Variants in MARCHF11 observed in about 807,000 individuals in gnomAD.
MARCHF11 encodes membrane associated ring-CH-type finger 11.
MARCHF11 carries 29 observed loss-of-function variants against 37.3 expected under a neutral mutation model. The observed-to-expected ratio is 0.78, with a 90% CI of 0.58 to 1.06. MARCHF11 has a LOEUF of 1.06. Among genes scored for constraint, MARCHF11 ranks in the 50% least tolerant of loss-of-function variants. The probability of loss-of-function intolerance (pLI) is 0.00; values close to 1 mark genes in which losing one functional copy is unlikely to be tolerated. For missense variants in MARCHF11, 482 were observed against 533.4 expected, an observed-to-expected ratio of 0.90 and a Z score of 0.95; for synonymous variants, 233 against 228.0, an observed-to-expected ratio of 1.02 and a Z score of -0.20.
At chr5:16,143,091 G>A (rs1560987703) in intron 2 of MARCHF11, among the ~76,000 whole-genome samples, 1 of 151,826 alleles carries the variant, frequency 6.6e-6, no homozygotes, top group Non-Finnish European at 1.5e-5. Context: ...CTTAAACAGG[G>A]CAGAATACCC....
chr5:16,132,886 A>G (rs1372774457), intron 2 of MARCHF11, among the ~76,000 whole-genome samples: 1 of 152,188 alleles, frequency 6.6e-6, no homozygotes, highest in Admixed American at 6.6e-5. Context: ...AAAACATAAT[A>G]GGCAAATCAA....
At chr5:16,071,731 AT>A (rs992337744) in intron 3 of MARCHF11, among the ~76,000 whole-genome samples, 1 of 151,880 alleles carries the variant, frequency 6.6e-6, no homozygotes, top group Admixed American at 6.5e-5. Context: ...ATACAAACAA[AT>A]TTTATCTGAT....
chr5:16,111,260 G>T (rs1028874126), intron 2 of MARCHF11, among the ~76,000 whole-genome samples: 7 of 152,214 alleles, frequency 4.6e-5, no homozygotes, highest in Non-Finnish European at 7.3e-5. Context: ...GGGCTCAGAA[G>T]AAGACAGGAA....
Position 16,132,497 on chromosome 5 carries a change from C to T in MARCHF11, c.694-41416G>A, listed in dbSNP as rs552277714. ...CAGTCAATGATGGACAGTTTGTACA[C>T]GGACCTCTAGTTGTTGAAAGAATGT... On this transcript the variant is annotated intron_variant, in intron 2 of 3. Coordinates refer to ENST00000332432, the MANE Select transcript of MARCHF11 (RefSeq NM_001102562.3). Among the ~76,000 whole-genome samples the T allele has an allele frequency of 7.2e-5, 11 of 152,254 alleles. No individual in the cohort carries two copies. In the South Asian group the frequency reaches 8.3e-4, roughly 11 times the overall value.
intron 3 of MARCHF11, among the ~76,000 whole-genome samples, chr5:16,089,900 G>C (rs2126556069): frequency 6.6e-6 from 1 of 152,314 alleles, no homozygotes; most frequent in African/African-American, 2.4e-5. Context: ...GAGGGATGAA[G>C]GTGACCTGCC....
intron 2 of MARCHF11, among the ~76,000 whole-genome samples, chr5:16,137,572 A>C (rs1033134476): frequency 6.6e-6 from 1 of 152,226 alleles, no homozygotes; most frequent in African/African-American, 2.4e-5. Flanking sequence ...TGCTATTAAG[A>C]TACCCAAAAA....
At chr5:16,096,168 G>T (rs574176890) in intron 2 of MARCHF11, among the ~76,000 whole-genome samples, 2 of 152,078 alleles carry the variant, frequency 1.3e-5, no homozygotes, top group Non-Finnish European at 2.9e-5. Context: ...AAAACAACAC[G>T]GGCTCAGTCA....
In MARCHF11 at chr5:16,179,512, G is replaced by A. The variant is rs956067999; in HGVS notation, c.64C>T (p.Pro22Ser). ...GGCGGCGGGGGAGGTTGCGGGGGAG[G>A]CTCGGCGTCCCCGCTCTCCGCCCCG... ...CRGAESGDAE[P>S]PPQPPPPPPP... The change falls in exon 1 of 4, where the codon CCT becomes TCT. Residue 22 changes from proline to serine, a missense_variant. By Grantham distance (74) the Pro-to-Ser change is moderately conservative (BLOSUM62 -1). Transcript: ENST00000332432. 2.3e-5 allele frequency: 27 copies of A among 1,171,856 alleles called. No homozygotes were observed. The Admixed American group carries it at 5.6e-4, about 24-fold the overall frequency. 72.6% of individuals were successfully genotyped at this position (1,171,856 alleles called of 1,614,324 possible).
chr5:16,161,820 T>G (rs891387393), intron 2 of MARCHF11, among the ~76,000 whole-genome samples: 1 of 151,980 alleles, frequency 6.6e-6, no homozygotes, highest in African/African-American at 2.4e-5. Context: ...TATATTATCT[T>G]GAAAATTACA....
chr5:16,123,674 G>A lies in MARCHF11; in HGVS notation c.694-32593C>T, dbSNP rs573368051. On this transcript the variant is annotated intron_variant, in intron 2 of 3. Coordinates refer to ENST00000332432, the MANE Select transcript of MARCHF11 (RefSeq NM_001102562.3). Reference sequence around the variant, plus strand: ...TTAAACTGTGTGGGCTCATTTCTATGACAAGCTATAAGGCCAGAAGCCACG... The same window carrying A: ...TTAAACTGTGTGGGCTCATTTCTATAACAAGCTATAAGGCCAGAAGCCACG... 5.3e-5 allele frequency among the ~76,000 whole-genome samples: 8 copies of A among 152,172 alleles called. 1 individual carries two copies. In the East Asian group the frequency reaches 7.7e-4, roughly 15 times the overall value.
chr5:16,173,401 T>A (rs985659445), intron 2 of MARCHF11, among the ~76,000 whole-genome samples: 7 of 152,236 alleles, frequency 4.6e-5, no homozygotes, highest in African/African-American at 1.7e-4. Flanking sequence ...TGAATAGTGC[T>A]GTCCTGTGCT....
chr5:16,089,840 A>C (rs1272093764), intron 3 of MARCHF11, among the ~76,000 whole-genome samples: 1 of 152,188 alleles, frequency 6.6e-6, no homozygotes, highest in Admixed American at 6.5e-5. Flanking sequence ...TTAGACTTGC[A>C]TGGTTGGAAT....
At chr5:16,145,707 G>A (rs1737785358) in intron 2 of MARCHF11, among the ~76,000 whole-genome samples, 1 of 151,522 alleles carries the variant, frequency 6.6e-6, no homozygotes. Context: ...AATAAACAAT[G>A]TCCCTTTTTT....
intron 2 of MARCHF11, among the ~76,000 whole-genome samples, chr5:16,155,714 C>T (rs986495393): frequency 4.0e-5 from 6 of 151,858 alleles, no homozygotes; most frequent in African/African-American, 9.7e-5. Flanking sequence ...TGTTCTTGCC[C>T]GATTTTTGGG....
intron 2 of MARCHF11, among the ~76,000 whole-genome samples, chr5:16,092,843 T>G (rs1277021139): frequency 1.3e-5 from 2 of 152,244 alleles, no homozygotes; most frequent in African/African-American, 4.8e-5. Context: ...GTTTTGTTCC[T>G]AGTTTACTGA....
chr5:16,129,195 ACT>A (rs1737472170), intron 2 of MARCHF11: 1 of 152,050 alleles, frequency 6.6e-6, no homozygotes, highest in African/African-American at 2.4e-5. Context: ...ATAAGCTGAC[ACT>A]CTGCTGTATA....
intron 2 of MARCHF11, among the ~76,000 whole-genome samples, chr5:16,133,163 CA>C (rs1737548113): frequency 6.6e-6 from 1 of 152,102 alleles, no homozygotes; most frequent in Admixed American, 6.6e-5. Flanking sequence ...TTGTAACATA[CA>C]AAATTTGCAG....
intron 2 of MARCHF11, among the ~76,000 whole-genome samples, chr5:16,121,258 T>A (rs1737304647): frequency 6.6e-6 from 1 of 152,194 alleles, no homozygotes; most frequent in Admixed American, 6.5e-5. Flanking sequence ...ATTCCTTTGT[T>A]TTTTTTGCCT....
chr5:16,113,107 A>G (rs1737174408), intron 2 of MARCHF11, among the ~76,000 whole-genome samples: 1 of 152,180 alleles, frequency 6.6e-6, no homozygotes, highest in Admixed American at 6.5e-5. Context: ...TGCCAATACC[A>G]CTAGTAAACT....
Sources: gnomAD v4.1 joint callset for allele counts (sites outside exome capture counted in the v4.1 genomes callset) on GRCh38, gnomAD v4.1.1 for gene constraint, MANE v1.5 for transcripts, NCBI Gene and HGNC (gene_info 2026-07-23, HGNC 2026-07-21) for gene names.